Variants in UBXN7 observed in about 807,000 individuals in gnomAD.
The protein encoded by UBXN7 is UBX domain-containing protein 7.
Under a neutral mutation model 58.0 loss-of-function variants are expected in UBXN7, and 9 were observed. The observed-to-expected ratio is 0.16, with a 90% CI of 0.09 to 0.27. UBXN7 has a LOEUF of 0.27. Ranked by LOEUF, UBXN7 falls within the 10% of genes least tolerant of loss-of-function variation. The pLI, the probability that UBXN7 is intolerant of heterozygous loss-of-function variation, is 1.00. For missense variants in UBXN7, 328 were observed against 599.6 expected, an observed-to-expected ratio of 0.55 and a Z score of 4.73; for synonymous variants, 208 against 205.0, an observed-to-expected ratio of 1.01 and a Z score of -0.12.
At chr3:196,378,874 T>C (rs1729114205) in intron 5 of UBXN7, among the ~76,000 whole-genome samples, 1 of 144,930 alleles carries the variant, frequency 6.9e-6, no homozygotes. Context: ...AGCCAGCTTC[T>C]TTCCATGTTG....
chr3:196,394,673 T>C (rs1729715801), intron 3 of UBXN7, among the ~76,000 whole-genome samples: 1 of 152,036 alleles, frequency 6.6e-6, no homozygotes, highest in Non-Finnish European at 1.5e-5. Context: ...ATTTTGAGGA[T>C]GATGCCACGT....
intron 3 of UBXN7, chr3:196,397,721 A>T (rs1729819768): frequency 6.6e-6 from 1 of 151,980 alleles, no homozygotes; most frequent in Non-Finnish European, 1.5e-5. Context: ...CTCAAGCCAT[A>T]CTCCCGCCTC....
chr3:196,363,906 A>G (rs1425850162), intron 8 of UBXN7, among the ~76,000 whole-genome samples: 1 of 151,392 alleles, frequency 6.6e-6, no homozygotes, highest in African/African-American at 2.4e-5. Context: ...CTGGTGACAG[A>G]GCGAGACTCC....
chr3:196,407,884 G>C (rs1448596047), intron 1 of UBXN7, among the ~76,000 whole-genome samples: 1 of 152,070 alleles, frequency 6.6e-6, no homozygotes, highest in Non-Finnish European at 1.5e-5. Context: ...CAGATCACGA[G>C]GTCAGGAGTT....
chr3:196,425,413 ACTC>A (rs1368713953), intron 1 of UBXN7, among the ~76,000 whole-genome samples: 4 of 151,720 alleles, frequency 2.6e-5, no homozygotes, highest in African/African-American at 4.8e-5. Flanking sequence ...ATCAGATGTA[ACTC>A]CTTTTTTAAT....
At chr3:196,417,178 T>C (rs1054160726) in intron 1 of UBXN7, among the ~76,000 whole-genome samples, 1 of 152,064 alleles carries the variant, frequency 6.6e-6, no homozygotes, top group African/African-American at 2.4e-5. Context: ...CCGGGCGTGG[T>C]GGCGGGCGCT....
chr3:196,401,336 C>A, intron 3 of UBXN7, among the ~76,000 whole-genome samples: 2 of 121,456 alleles, frequency 1.6e-5, no homozygotes, highest in African/African-American at 6.3e-5. Flanking sequence ...TATATATACA[C>A]ATATATACAA....
chr3:196,418,908 TC>T lies in UBXN7; in HGVS notation c.74-11516del, dbSNP rs1730588593. On this transcript the variant is annotated intron_variant, in intron 1 of 10. Coordinates refer to ENST00000296328, the MANE Select transcript of UBXN7 (RefSeq NM_015562.2). Reference sequence around the variant, plus strand: ...CATCCTATCTACAATCTTCACACAATCATTTAATGCGAGAACCTAACCTTTA... The same window carrying T: ...CATCCTATCTACAATCTTCACACAATATTTAATGCGAGAACCTAACCTTTA... Among the ~76,000 whole-genome samples, 7 of 152,292 alleles carry T rather than the reference TC, an allele frequency of 4.6e-5. No homozygotes were observed. In the South Asian group the frequency reaches 1.5e-3, roughly 32 times the overall value.
At position 196,355,154 on chromosome 3, in the gene UBXN7, T is replaced by G. The variant is rs1205260447; in HGVS notation, c.*1531A>C. Reference sequence around the variant, plus strand: ...AAAACCTAAAGGTCTCTACGCAACATCTGAGGAACATACGCTCCTCAGATA... The same window carrying G: ...AAAACCTAAAGGTCTCTACGCAACAGCTGAGGAACATACGCTCCTCAGATA... On this transcript the variant is annotated 3_prime_UTR_variant, in exon 11 of 11. Coordinates refer to ENST00000296328, the MANE Select transcript of UBXN7 (RefSeq NM_015562.2). 6.6e-6 allele frequency: 1 copy of G among 152,158 alleles called. No individual in the cohort carries two copies. The highest frequency in any genetic ancestry group is 2.4e-5 in the African/African-American group (1 of 41,432). The allele number at this position is 152,158 out of a possible 1,614,324, so 9.4% of individuals were successfully genotyped here. A position where few individuals can be genotyped will look rare whatever the true frequency, so the allele number is the denominator to read the frequency against.
chr3:196,428,729 C>CA (rs983517156), intron 1 of UBXN7, among the ~76,000 whole-genome samples: 26 of 140,020 alleles, frequency 1.9e-4, no homozygotes, highest in African/African-American at 7.0e-4. Flanking sequence ...CCCATCTCCA[C>CA]AAAAAATAAA....
At chr3:196,406,025 TTTTG>T (rs1193388728) in intron 2 of UBXN7, among the ~76,000 whole-genome samples, 1 of 151,824 alleles carries the variant, frequency 6.6e-6, no homozygotes, top group Admixed American at 6.6e-5. Context: ...TTTGTGTTTT[TTTTG>T]TTTTTTGTTT....
intron 1 of UBXN7, among the ~76,000 whole-genome samples, chr3:196,429,314 G>A (rs1258202781): frequency 2.7e-5 from 4 of 149,464 alleles, no homozygotes; most frequent in East Asian, 1.9e-4. Context: ...GTGACAGAGC[G>A]AGACTCCGTC....
At chr3:196,401,248 CAAAAA>C (rs35766312) in intron 3 of UBXN7, among the ~76,000 whole-genome samples, 17 of 2,266 alleles carry the variant, frequency 7.5e-3, no homozygotes, top group African/African-American at 0.026. Flanking sequence ...CCCGTCTCTC[CAAAAA>C]AAAAAAAAAA....
At chr3:196,377,297 TG>T (rs753213579) in intron 5 of UBXN7, among the ~76,000 whole-genome samples, 86 of 152,306 alleles carry the variant, frequency 5.6e-4, no homozygotes, top group Middle Eastern at 3.4e-3. Context: ...CTCACTCAGC[TG>T]GTCTTCTTGA....
rs1728190311 is a variant in UBXN7, at chr3:196,350,733, C to A, written c.*5952G>T. The A allele has an allele frequency of 6.6e-6, 1 of 152,102 alleles. No homozygotes were observed. 9.4% of individuals were successfully genotyped at this position (152,102 alleles called of 1,614,324 possible). ...AAAACCATAACCATCACTGAAATAC[C>A]AAATCTCTATGTAACAGGAGAAACC... On this transcript the variant is annotated 3_prime_UTR_variant, in exon 11 of 11. Coordinates refer to ENST00000296328, the MANE Select transcript of UBXN7 (RefSeq NM_015562.2).
rs915049661 is a variant in UBXN7 at position 196,424,488 on chromosome 3, G to A, written c.73+7839C>T. ...TAGTTCACTGCAGCCTCAAAGTTCT[G>A]GGTTCAAGCAATCTTCCCAAGTCAA... On this transcript the variant is annotated intron_variant, in intron 1 of 10. Coordinates refer to ENST00000296328, the MANE Select transcript of UBXN7 (RefSeq NM_015562.2). Among the ~76,000 whole-genome samples the A allele has an allele frequency of 1.1e-4, 17 of 149,124 alleles. 2 individuals are homozygous for A. The Middle Eastern group carries it at 0.042, about 368-fold the overall frequency.
intron 8 of UBXN7, among the ~76,000 whole-genome samples, chr3:196,363,766 T>G (rs1728578322): frequency 6.6e-6 from 1 of 151,872 alleles, no homozygotes; most frequent in Non-Finnish European, 1.5e-5. Context: ...CCATCTCCAC[T>G]AAAAATGCAA....
intron 1 of UBXN7, among the ~76,000 whole-genome samples, chr3:196,417,195 C>A (rs1730520980): frequency 6.6e-6 from 1 of 152,242 alleles, no homozygotes; most frequent in East Asian, 1.9e-4. Context: ...CGCTTGTAGT[C>A]CCAGCTGCTG....
rs1728177287 is a variant in UBXN7, at chr3:196,350,095, A to G, written c.*6590T>C. On this transcript the variant is annotated 3_prime_UTR_variant, in exon 11 of 11. Transcript: ENST00000296328. ...GATTGCTCTTGGGAAAAATACTATC[A>G]TTGGTATTTGCCATCTCTAATCCTA... The G allele has an allele frequency of 6.6e-6, 1 of 152,252 alleles. No individual in the cohort carries two copies. Among genetic ancestry groups the G allele is most frequent in the Non-Finnish European group, 1.5e-5 (1 of 68,040 alleles). The allele number at this position is 152,252 out of a possible 1,614,324, so 9.4% of individuals were successfully genotyped here.
Sources: allele counts gnomAD v4.1 joint callset (sites outside exome capture counted in the v4.1 genomes callset), GRCh38; gene constraint gnomAD v4.1.1; transcripts MANE v1.5; gene names NCBI Gene and HGNC (gene_info 2026-07-23, HGNC 2026-07-21).